SMG6: variants seen among roughly 807,000 people sequenced by gnomAD.
SMG6 encodes the protein SMG6 nonsense mediated mRNA decay factor, also known as telomerase-binding protein EST1A.
SMG6 carries 66 observed loss-of-function variants against 142.2 expected under a neutral mutation model. The observed-to-expected ratio is 0.46, with a 90% CI of 0.38 to 0.57. SMG6 has a LOEUF of 0.57. SMG6 is among the 20% of genes least tolerant of loss of function. SMG6 has a pLI of 0.00. For synonymous variants in SMG6, 779 were observed against 702.4 expected (o/e 1.11, Z -1.72); for missense variants, 1,793 against 1,832.0 (o/e 0.98, Z 0.39).
intron 10 of SMG6, among the ~76,000 whole-genome samples, chr17:2,198,552 T>C (rs1474175434): frequency 6.6e-6 from 1 of 152,214 alleles, no homozygotes; most frequent in Non-Finnish European, 1.5e-5. Flanking sequence ...ACGATGTTGA[T>C]ATATACTAAA....
intron 9 of SMG6, among the ~76,000 whole-genome samples, chr17:2,243,159 G>A (rs2073851752): frequency 6.6e-6 from 1 of 152,120 alleles, no homozygotes; most frequent in African/African-American, 2.4e-5. Flanking sequence ...TTCATCTACT[G>A]GTACCTTGTC....
chr17:2,289,474 T>G (rs1319132480), intron 6 of SMG6, among the ~76,000 whole-genome samples: 1 of 151,898 alleles, frequency 6.6e-6, no homozygotes, highest in Non-Finnish European at 1.5e-5. Flanking sequence ...GGAGGATCAC[T>G]TGAGCCCAGG....
At chr17:2,099,373 A>C (rs2068945061) in intron 13 of SMG6, among the ~76,000 whole-genome samples, 1 of 152,038 alleles carries the variant, frequency 6.6e-6, no homozygotes, top group Non-Finnish European at 1.5e-5. Flanking sequence ...ATACCAGAAG[A>C]AGCCACGCTC....
intron 15 of SMG6, among the ~76,000 whole-genome samples, chr17:2,076,436 A>T (rs1398790379): frequency 1.3e-5 from 2 of 152,096 alleles, no homozygotes; most frequent in Non-Finnish European, 2.9e-5. Flanking sequence ...TCCCCCCTTA[A>T]ATTAAACAAA....
intron 10 of SMG6, among the ~76,000 whole-genome samples, chr17:2,219,333 C>T (rs763632219): frequency 2.6e-5 from 4 of 152,056 alleles, no homozygotes; most frequent in Non-Finnish European, 5.9e-5. Context: ...TGCAGTGAGC[C>T]GAGATCGCGC....
At chr17:2,302,001 C>T (rs1414042834) in intron 1 of SMG6, among the ~76,000 whole-genome samples, 1 of 152,190 alleles carries the variant, frequency 6.6e-6, no homozygotes. Context: ...GCCTATAATC[C>T]CAGCACTTTG....
intron 10 of SMG6, among the ~76,000 whole-genome samples, chr17:2,197,605 CAAAA>C (rs1344969054): frequency 6.6e-6 from 1 of 151,316 alleles, no homozygotes; most frequent in African/African-American, 2.4e-5. Context: ...AACCAAAAAA[CAAAA>C]AACCTCTCAA....
At position 2,061,488 on chromosome 17, in the gene SMG6, TC is replaced by T. The variant is rs1597309867; in HGVS notation, c.*3del. ...CACGGGGGGGGGGCCCCAGTGTGGCTCCCTCAGCCCACCTGGGCCCACGTGA... is the reference window on the plus strand; with the variant it reads ...CACGGGGGGGGGGCCCCAGTGTGGCTCCTCAGCCCACCTGGGCCCACGTGA... On this transcript the variant is annotated 3_prime_UTR_variant, in exon 19 of 19. Transcript: ENST00000263073. 1 of 1,562,250 alleles carries T rather than the reference TC, an allele frequency of 6.4e-7. No individual in the cohort carries two copies. Among genetic ancestry groups the T allele is most frequent in the East Asian group, 2.4e-5 (1 of 42,284 alleles).
In SMG6 at chr17:2,226,802, C is replaced by T. The variant is rs552889919; in HGVS notation, c.2869+9690G>A. 2.6e-5 allele frequency among the ~76,000 whole-genome samples: 4 copies of T among 151,378 alleles called. No individual in the cohort carries two copies. In the East Asian group the frequency reaches 7.9e-4, roughly 30 times the overall value. ...CCCAGCTACTCTCGGGAGGCTGAGG[C>T]ACGAGAATTGTTTAAATCCAGGAGG... is the stretch of plus-strand genomic sequence containing the variant. On this transcript the variant is annotated intron_variant, in intron 10 of 18. Transcript: ENST00000263073.
Position 2,061,356 on chromosome 17 carries a change from G to A in SMG6, c.*136C>T. ...GCAGGTCCCCCACAGCATGGCCGTG[G>A]CGTGGGTTGGAAGAGGATGGTTTAT... On this transcript the variant is annotated 3_prime_UTR_variant, in exon 19 of 19. Transcript: ENST00000263073. The A allele has an allele frequency of 2.3e-6, 2 of 853,042 alleles. No individual in the cohort carries two copies. The highest frequency in any genetic ancestry group is 1.8e-6 in the Non-Finnish European group (1 of 561,216). The allele number at this position is 853,042 out of a possible 1,614,324, so 52.8% of individuals were successfully genotyped here.
intron 13 of SMG6, among the ~76,000 whole-genome samples, chr17:2,169,311 T>TAAA (rs879584928): frequency 7.3e-6 from 1 of 136,882 alleles, no homozygotes; most frequent in Non-Finnish European, 1.6e-5. Flanking sequence ...ACTCATCTCT[T>TAAA]AAAAAAAAAA....
At chr17:2,208,124 G>A (rs2072744024) in intron 10 of SMG6, among the ~76,000 whole-genome samples, 1 of 151,986 alleles carries the variant, frequency 6.6e-6, no homozygotes, top group South Asian at 2.1e-4. Flanking sequence ...GGGAGACCGT[G>A]TCTCTCTAAA....
chr17:2,119,940 G>A (rs1012860824), intron 13 of SMG6, among the ~76,000 whole-genome samples: 1 of 152,146 alleles, frequency 6.6e-6, no homozygotes, highest in African/African-American at 2.4e-5. Context: ...GATATTACAG[G>A]CATGAGCCAC....
chr17:2,248,586 C>T (rs981867012), intron 8 of SMG6, among the ~76,000 whole-genome samples: 1 of 152,164 alleles, frequency 6.6e-6, no homozygotes, highest in Non-Finnish European at 1.5e-5. Flanking sequence ...CAATGCATTA[C>T]TTTTCAACTA....
At chr17:2,303,508 G>A in intron 1 of SMG6, 125 bp downstream of exon 1, 1 of 1,329,896 alleles carries the variant, frequency 7.5e-7, no homozygotes, top group Non-Finnish European at 9.6e-7. Flanking sequence ...CGCGGCCCCA[G>A]CGCCTACTGC....
rs943935763 is a variant in SMG6 at position 2,071,516 on chromosome 17, G to C, written c.3682-2585C>G. On this transcript the variant is annotated intron_variant, in intron 15 of 18. Coordinates refer to ENST00000263073, the MANE Select transcript of SMG6 (RefSeq NM_017575.5). This position sits in a 1 kb window ranked among gnomAD's most constrained non-coding sequence, Gnocchi z 5.6. ...GGTGAATAGGCCGCAGCCTTTCAGA[G>C]GGGGCTTCCCTGGGTGTGGGGTGGG... 1.3e-5 allele frequency among the ~76,000 whole-genome samples: 2 copies of C among 152,304 alleles called. No individual in the cohort carries two copies. Among genetic ancestry groups the C allele is most frequent in the Non-Finnish European group, 2.9e-5 (2 of 68,026 alleles).
chr17:2,151,000 T>C (rs1255305352), intron 13 of SMG6, among the ~76,000 whole-genome samples: 1 of 152,196 alleles, frequency 6.6e-6, no homozygotes, highest in Non-Finnish European at 1.5e-5. Context: ...CTTCTGTAGA[T>C]GCTGGGGAAC....
At chr17:2,192,056 C>T (rs756206433) in intron 10 of SMG6, among the ~76,000 whole-genome samples, 1 of 152,250 alleles carries the variant, frequency 6.6e-6, no homozygotes, top group African/African-American at 2.4e-5. Flanking sequence ...ATGTGTGCGA[C>T]GGTGCTGCCA....
intron 8 of SMG6, among the ~76,000 whole-genome samples, chr17:2,267,924 T>A (rs2074459221): frequency 6.6e-6 from 1 of 152,012 alleles, no homozygotes; most frequent in African/African-American, 2.4e-5. Context: ...ATTTTTTGTA[T>A]TTTTAGTAGA....
Sources: gnomAD v4.1 joint callset for allele counts (sites outside exome capture counted in the v4.1 genomes callset) on GRCh38, gnomAD v4.1.1 for gene constraint, Gnocchi (gnomAD v3.1) non-coding constraint, MANE v1.5 for transcripts, NCBI Gene and HGNC (gene_info 2026-07-23, HGNC 2026-07-21) for gene names.